Variants in SLC36A4 observed in about 807,000 individuals in gnomAD.
SLC36A4 encodes the protein neutral amino acid uniporter 4.
In SLC36A4, 49 loss-of-function variants were observed where a neutral mutation model predicts 50.5. That is an observed-to-expected ratio of 0.97 (90% CI 0.77 to 1.23). The LOEUF (loss-of-function observed/expected upper bound fraction) is 1.23. Among genes scored for constraint, SLC36A4 ranks in the 50% most tolerant of loss-of-function variants. SLC36A4 has a pLI of 0.00. For missense variants in SLC36A4, 611 were observed against 608.4 expected (o/e 1.00, Z -0.05); for synonymous variants, 207 against 206.5 (o/e 1.00, Z -0.02).
At chr11:93,184,078 A>G (rs1446236909) in intron 3 of SLC36A4, among the ~76,000 whole-genome samples, 1 of 152,170 alleles carries the variant, frequency 6.6e-6, no homozygotes, top group African/African-American at 2.4e-5. Context: ...GTTACCAATA[A>G]TCTGCTCTAT....
At chr11:93,187,882 T>C (rs1862057627) in intron 1 of SLC36A4, among the ~76,000 whole-genome samples, 3 of 152,220 alleles carry the variant, frequency 2.0e-5, no homozygotes. Flanking sequence ...AGCAATGTTT[T>C]GTCAAGGCTT....
intron 6 of SLC36A4, among the ~76,000 whole-genome samples, chr11:93,179,191 C>T (rs1228687409): frequency 6.7e-6 from 1 of 149,172 alleles, no homozygotes; most frequent in Non-Finnish European, 1.5e-5. Flanking sequence ...AGTACTAGGT[C>T]TGAGAAATAA....
At chr11:93,188,486 A>T (rs1359065616) in intron 1 of SLC36A4, among the ~76,000 whole-genome samples, 1 of 152,242 alleles carries the variant, frequency 6.6e-6, no homozygotes, top group African/African-American at 2.4e-5. Flanking sequence ...ATTTTCTATA[A>T]TTCAAAGTTC....
intron 5 of SLC36A4, 130 bp from the exon 6 acceptor site, chr11:93,181,011 T>C: frequency 4.5e-6 from 3 of 662,824 alleles, no homozygotes; most frequent in Non-Finnish European, 7.8e-6. Context: ...TGTCAGGAAC[T>C]CAGAGCAGTT....
chr11:93,151,373 CCTCT>C (rs1367732218), intron 10 of SLC36A4, among the ~76,000 whole-genome samples: 1 of 151,878 alleles, frequency 6.6e-6, no homozygotes, highest in Non-Finnish European at 1.5e-5. Flanking sequence ...CATAAAGTTC[CCTCT>C]GATATTAAAA....
At chr11:93,160,846 T>A in intron 9 of SLC36A4, 6 of 732,058 alleles carry the variant, frequency 8.2e-6, no homozygotes, top group Non-Finnish European at 1.0e-5. Context: ...TTATTGTTAT[T>A]ATTAATATTA....
chr11:93,183,483 A>T (rs1472844704), intron 3 of SLC36A4, among the ~76,000 whole-genome samples: 1 of 152,182 alleles, frequency 6.6e-6, no homozygotes, highest in Non-Finnish European at 1.5e-5. Context: ...TTTATCATCT[A>T]AATTAGGGGA....
chr11:93,196,290 A>G (rs1185416376), intron 1 of SLC36A4, among the ~76,000 whole-genome samples: 1 of 151,958 alleles, frequency 6.6e-6, no homozygotes, highest in African/African-American at 2.4e-5. Context: ...TATAATGAAA[A>G]CCTCTTGATA....
chr11:93,180,003 A>G, intron 6 of SLC36A4: 1 of 728,502 alleles, frequency 1.4e-6, no homozygotes, highest in Non-Finnish European at 1.7e-6. Flanking sequence ...ACCTACACAC[A>G]GGTTCTTTAG....
intron 10 of SLC36A4, 63 bp downstream of exon 10, chr11:93,154,045 T>C (rs1860229231): frequency 2.6e-6 from 2 of 765,674 alleles, no homozygotes; most frequent in Non-Finnish European, 1.9e-6. Context: ...TTACATCTTA[T>C]ATAGCTTTCA....
At chr11:93,163,220 AT>A (rs1860711427) in intron 8 of SLC36A4, among the ~76,000 whole-genome samples, 2 of 152,192 alleles carry the variant, frequency 1.3e-5, no homozygotes, top group Non-Finnish European at 2.9e-5. Flanking sequence ...AACTTTTTAT[AT>A]TACGATAGTA....
chr11:93,180,017 A>G, intron 6 of SLC36A4: 1 of 851,458 alleles, frequency 1.2e-6, no homozygotes, highest in Non-Finnish European at 1.4e-6. Context: ...TCTTTAGAAA[A>G]CATACACACT....
rs1027169696 is a variant in SLC36A4, at chr11:93,147,536, T to C, written c.*1001A>G. Reference sequence around the variant, plus strand: ...GTCTCTATTCTGTTTTAAAAGAACATAGCTTCTTTCTCTTGCTGAGGTTTA... The same window carrying C: ...GTCTCTATTCTGTTTTAAAAGAACACAGCTTCTTTCTCTTGCTGAGGTTTA... On this transcript the variant is annotated 3_prime_UTR_variant, in exon 11 of 11. Coordinates refer to ENST00000326402, the MANE Select transcript of SLC36A4 (RefSeq NM_152313.4). 25 of 152,108 alleles carry C rather than the reference T, an allele frequency of 1.6e-4. No individual in the cohort carries two copies. The highest frequency in any genetic ancestry group is 5.8e-4 in the African/African-American group (24 of 41,434). 9.4% of individuals were successfully genotyped at this position (152,108 alleles called of 1,614,324 possible). A position where few individuals can be genotyped will look rare whatever the true frequency, so the allele number is the denominator to read the frequency against.
intron 9 of SLC36A4, chr11:93,159,955 A>G: frequency 3.0e-6 from 3 of 985,450 alleles, no homozygotes; most frequent in Non-Finnish European, 3.6e-6. Flanking sequence ...TGTAACAGTC[A>G]TTGGCTTTCA....
chr11:93,166,114 C>T, intron 7 of SLC36A4, 98 bp from the exon 8 acceptor site: 1 of 1,262,370 alleles, frequency 7.9e-7, no homozygotes, highest in Non-Finnish European at 1.1e-6. Flanking sequence ...AGCTTCACAA[C>T]AGCAAATGTG....
rs757917081 is a variant in SLC36A4 at position 93,167,999 on chromosome 11, A to G, written c.713T>C (p.Leu238Pro). The change falls in exon 7 of 11, where the codon CTT (leucine) becomes CCT (proline). Residue 238 changes from leucine to proline, a missense_variant. Leu to Pro is a moderately conservative substitution (Grantham distance 98). Transcript: ENST00000326402. Reference protein sequence around the residue: ...ELKNLFVLSFLANVSMAVSLV... With the variant: ...ELKNLFVLSFPANVSMAVSLV... The stretch of plus-strand genomic sequence containing the variant: ...ACTGACAGCCATGGAAACGTTGGCA[A>G]GGAATGAAAGTACAAATAGATTCTT... 2.5e-6 allele frequency: 4 copies of G among 1,612,612 alleles called. No individual in the cohort carries two copies. In the Admixed American group the frequency reaches 6.7e-5, roughly 27 times the overall value.
chr11:93,171,801 A>C (rs1159064016), intron 6 of SLC36A4: 1 of 152,118 alleles, frequency 6.6e-6, no homozygotes. Context: ...GAGTCCTAGG[A>C]ATATGCAATT....
intron 9 of SLC36A4, chr11:93,154,756 T>C (rs958808418): frequency 6.6e-6 from 1 of 152,138 alleles, no homozygotes; most frequent in Admixed American, 6.6e-5. Flanking sequence ...ATGTCATCCA[T>C]CTTAAGTCTA....
rs144588205 is a variant in SLC36A4, at chr11:93,149,301, A to C, written c.1208-457T>G. 4.0e-3 allele frequency among the ~76,000 whole-genome samples: 604 copies of C among 152,174 alleles called. 4 individuals are homozygous for C. Among genetic ancestry groups the C allele is most frequent in the Non-Finnish European group, 6.1e-3 (418 of 67,976 alleles). On this transcript the variant is annotated intron_variant, in intron 10 of 10. Transcript: ENST00000326402. ...GGAACAATGGAAACAGAAAAGCATT[A>C]AGCAAATACCACAATAATCACAGGA...
Sources: gnomAD v4.1 joint callset for allele counts (sites outside exome capture counted in the v4.1 genomes callset) on GRCh38, gnomAD v4.1.1 for gene constraint, MANE v1.5 for transcripts, NCBI Gene and HGNC (gene_info 2026-07-23, HGNC 2026-07-21) for gene names.